CACNA2D3: variants seen among roughly 807,000 people sequenced by gnomAD.
CACNA2D3 encodes calcium voltage-gated channel auxiliary subunit alpha2delta 3.
In CACNA2D3, 60 loss-of-function variants were observed where a neutral mutation model predicts 160.6. The ratio of observed to expected loss-of-function variants is 0.37; its 90% CI spans 0.30 to 0.46. CACNA2D3 has a LOEUF of 0.46. CACNA2D3 is among the 20% of genes least tolerant of loss of function. The pLI is 1.00. For missense variants in CACNA2D3, 1,205 were observed against 1,365.0 expected (o/e 0.88, Z 1.85); for synonymous variants, 558 against 492.9 (o/e 1.13, Z -1.75).
chr3:54,435,417 G>A (rs1700045598), intron 4 of CACNA2D3, among the ~76,000 whole-genome samples: 1 of 152,180 alleles, frequency 6.6e-6, no homozygotes, highest in Non-Finnish European at 1.5e-5. Context: ...CTCAGGTGAT[G>A]TGAATTGTAG....
intron 2 of CACNA2D3, among the ~76,000 whole-genome samples, chr3:54,168,266 A>G (rs1043007160): frequency 6.6e-6 from 1 of 152,198 alleles, no homozygotes; most frequent in Non-Finnish European, 1.5e-5. Flanking sequence ...ATGCTTATGG[A>G]ATGAATGAGT....
chr3:54,431,009 G>T (rs1448014885), intron 4 of CACNA2D3, among the ~76,000 whole-genome samples: 1 of 152,032 alleles, frequency 6.6e-6, no homozygotes, highest in African/African-American at 2.4e-5. Context: ...CATATTCTTA[G>T]AATAGATTAG....
At chr3:54,853,200 C>T (rs1699098273) in intron 17 of CACNA2D3, among the ~76,000 whole-genome samples, 4 of 152,076 alleles carry the variant, frequency 2.6e-5, no homozygotes, top group Admixed American at 2.6e-4. Context: ...CACTCTCCAT[C>T]ACATCCCCTG....
intron 9 of CACNA2D3, among the ~76,000 whole-genome samples, chr3:54,597,993 T>C (rs1469697484): frequency 1.3e-5 from 2 of 151,744 alleles, no homozygotes; most frequent in African/African-American, 2.4e-5. Flanking sequence ...AGAGCGAGGA[T>C]CAGTACTACC....
chr3:54,319,157 G>GACACACACACAC lies in CACNA2D3; in HGVS notation c.205-1252_205-1241dup, dbSNP rs58790730. On this transcript the variant is annotated intron_variant, in intron 2 of 37. Coordinates refer to ENST00000474759, the MANE Select transcript of CACNA2D3 (RefSeq NM_018398.3). ...TGAACAAGGAAGGGAAGCATTTTGT[G>GACACACACACAC]ACACACACACACACACACACACACA... 5.2e-3 allele frequency among the ~76,000 whole-genome samples: 728 copies of GACACACACACAC among 138,948 alleles called. 1 individual carries two copies. The highest frequency in any genetic ancestry group is 8.8e-3 in the African/African-American group (323 of 36,558). The allele number at this position is 138,948 out of a possible 152,430, so 91.2% of individuals were successfully genotyped here.
At chr3:54,908,530 A>G (rs1350979726) in intron 27 of CACNA2D3, among the ~76,000 whole-genome samples, 1 of 152,168 alleles carries the variant, frequency 6.6e-6, no homozygotes, top group African/African-American at 2.4e-5. Flanking sequence ...AGCCTGGGCA[A>G]CATGGTGAAA....
chr3:54,533,813 G>A (rs1468662686), intron 5 of CACNA2D3, among the ~76,000 whole-genome samples: 1 of 151,878 alleles, frequency 6.6e-6, no homozygotes, highest in African/African-American at 2.4e-5. Context: ...GTGTGTGTGT[G>A]TGTGTGTGTG....
At chr3:54,676,355 G>A (rs1252271480) in intron 11 of CACNA2D3, among the ~76,000 whole-genome samples, 1 of 152,072 alleles carries the variant, frequency 6.6e-6, no homozygotes, top group African/African-American at 2.4e-5. Flanking sequence ...TACACCTGGT[G>A]GGACCTGTCT....
At position 54,527,016 on chromosome 3, in the gene CACNA2D3, A is replaced by G. The variant is rs76535697; in HGVS notation, c.544+23362A>G. ...AGGCACCCCCAATTGTTGACTGACT[A>G]TTCTCTCTTTTTTTAAACCATGCCG... On this transcript the variant is annotated intron_variant, in intron 5 of 37. Coordinates refer to ENST00000474759, the MANE Select transcript of CACNA2D3 (RefSeq NM_018398.3). Among the ~76,000 whole-genome samples the G allele has an allele frequency of 9.8e-3, 1,487 of 152,174 alleles. 32 individuals are homozygous for G. The highest frequency in any genetic ancestry group is 0.034 in the African/African-American group (1,410 of 41,532).
intron 35 of CACNA2D3, among the ~76,000 whole-genome samples, chr3:55,044,141 G>T (rs1704021781): frequency 6.6e-6 from 1 of 151,988 alleles, no homozygotes; most frequent in African/African-American, 2.4e-5. Flanking sequence ...GAAATATTTT[G>T]AAAAGTCTGC....
chr3:54,987,818 A>G, intron 31 of CACNA2D3, 65 bp downstream of exon 31: 1 of 1,235,566 alleles, frequency 8.1e-7, no homozygotes, highest in Non-Finnish European at 1.1e-6. Flanking sequence ...AAACAAGCCA[A>G]GGTCAAATAA....
intron 4 of CACNA2D3, among the ~76,000 whole-genome samples, chr3:54,457,999 A>G (rs1343702913): frequency 1.3e-5 from 2 of 152,066 alleles, no homozygotes; most frequent in Non-Finnish European, 2.9e-5. Flanking sequence ...TCCTGTAGGC[A>G]GCATATAGTT....
intron 4 of CACNA2D3, among the ~76,000 whole-genome samples, chr3:54,492,442 C>G (rs1211291826): frequency 1.3e-5 from 2 of 152,224 alleles, no homozygotes; most frequent in Non-Finnish European, 2.9e-5. Flanking sequence ...ACAGCTTTCC[C>G]TTATCCCAGG....
chr3:54,677,621 G>T lies in CACNA2D3; in HGVS notation c.1167+35380G>T, dbSNP rs57651942. Among the ~76,000 whole-genome samples the T allele has an allele frequency of 8.8e-4, 63 of 71,440 alleles. 1 individual carries two copies. Among genetic ancestry groups the T allele is most frequent in the East Asian group, 4.2e-3 (5 of 1,196 alleles). The allele number at this position is 71,440 out of a possible 152,430, so 46.9% of individuals were successfully genotyped here. On this transcript the variant is annotated intron_variant, in intron 11 of 37. Transcript: ENST00000474759. ...TTTGAATAGTTTTTGTTTTTTTTTT[G>T]GGGGGGGGGCAACGTACTTACTCGT...
chr3:54,793,615 G>A (rs368799667), intron 13 of CACNA2D3, among the ~76,000 whole-genome samples: 2 of 152,134 alleles, frequency 1.3e-5, no homozygotes, highest in Admixed American at 6.5e-5. Context: ...TACAGCCCTC[G>A]CCTAGAACTC....
intron 2 of CACNA2D3, among the ~76,000 whole-genome samples, chr3:54,293,962 G>T (rs191667692): frequency 9.8e-4 from 150 of 152,300 alleles, no homozygotes; most frequent in African/African-American, 3.5e-3. Context: ...ATGCTTGGGG[G>T]TAGTGGAAGG....
intron 2 of CACNA2D3, among the ~76,000 whole-genome samples, chr3:54,248,396 C>G (rs62253161): frequency 4.6e-5 from 7 of 151,096 alleles, no homozygotes; most frequent in Non-Finnish European, 8.9e-5. Context: ...CAGGAGAATC[C>G]CTTGAACCTG....
intron 13 of CACNA2D3, among the ~76,000 whole-genome samples, chr3:54,797,119 C>G (rs953011095): frequency 6.6e-6 from 1 of 152,178 alleles, no homozygotes; most frequent in African/African-American, 2.4e-5. Flanking sequence ...AAATGATGCT[C>G]TCTGTCTTGA....
intron 14 of CACNA2D3, among the ~76,000 whole-genome samples, chr3:54,832,287 A>G (rs1277204201): frequency 6.6e-6 from 1 of 152,074 alleles, no homozygotes; most frequent in Non-Finnish European, 1.5e-5. Context: ...GTGTGTGCAC[A>G]CTTCTGTGTG....
Sources: allele counts gnomAD v4.1 joint callset (sites outside exome capture counted in the v4.1 genomes callset), GRCh38; gene constraint gnomAD v4.1.1; transcripts MANE v1.5; gene names NCBI Gene and HGNC (gene_info 2026-07-23, HGNC 2026-07-21).